The following AGBL1 variants were observed in gnomAD, a reference collection of about 807,000 sequenced individuals.
The protein encoded by AGBL1 is AGBL carboxypeptidase 1, also known as cytosolic carboxypeptidase 4.
A neutral mutation model predicts 118.9 loss-of-function variants in AGBL1; 130 were observed. The ratio of observed to expected loss-of-function variants is 1.09; its 90% CI spans 0.95 to 1.26. The LOEUF is 1.26. AGBL1 is among the 50% of genes most tolerant of loss of function. The pLI is 0.00. For synonymous variants in AGBL1, 555 were observed against 478.9 expected, an observed-to-expected ratio of 1.16 and a Z score of -2.08; for missense variants, 1,584 against 1,298.1, an observed-to-expected ratio of 1.22 and a Z score of -3.38.
chr15:86,644,029 A>G (rs997986633), intron 21 of AGBL1, among the ~76,000 whole-genome samples: 2 of 152,148 alleles, frequency 1.3e-5, no homozygotes, highest in African/African-American at 4.8e-5. Context: ...AAAATTTTAA[A>G]CTATTCTTTG....
chr15:86,666,055 C>T (rs1277674535), intron 21 of AGBL1, among the ~76,000 whole-genome samples: 1 of 152,044 alleles, frequency 6.6e-6, no homozygotes, highest in Non-Finnish European at 1.5e-5. Flanking sequence ...GATATTCTTG[C>T]CATGTATTCT....
At chr15:86,432,032 G>A (rs1310485000) in intron 18 of AGBL1, among the ~76,000 whole-genome samples, 1 of 149,794 alleles carries the variant, frequency 6.7e-6, no homozygotes, top group Non-Finnish European at 1.5e-5. Context: ...GCTAAGGTGG[G>A]GCCCTTGTGA....
At chr15:86,546,935 A>G (rs2083591815) in intron 20 of AGBL1, among the ~76,000 whole-genome samples, 1 of 152,184 alleles carries the variant, frequency 6.6e-6, no homozygotes, top group Admixed American at 6.6e-5. Flanking sequence ...TATTCTGGGT[A>G]TGCAATTTAC....
intron 1 of AGBL1, among the ~76,000 whole-genome samples, chr15:86,092,132 C>T (rs1896071477): frequency 2.0e-5 from 3 of 151,952 alleles, no homozygotes; most frequent in Non-Finnish European, 2.9e-5. Flanking sequence ...TCTTGTCCTC[C>T]CAGATATGAA....
chr15:86,516,616 A>G (rs1210164500), intron 18 of AGBL1, among the ~76,000 whole-genome samples: 1 of 152,142 alleles, frequency 6.6e-6, no homozygotes, highest in African/African-American at 2.4e-5. Flanking sequence ...CCTGGTCAAC[A>G]TGGCGAAACC....
At chr15:86,254,887 T>A (rs1300235549) in intron 7 of AGBL1, among the ~76,000 whole-genome samples, 1 of 152,152 alleles carries the variant, frequency 6.6e-6, no homozygotes, top group Non-Finnish European at 1.5e-5. Context: ...CATAAGTATT[T>A]CCCCTACAGT....
chr15:86,734,760 C>A (rs889198794), intron 22 of AGBL1, among the ~76,000 whole-genome samples: 2 of 152,102 alleles, frequency 1.3e-5, no homozygotes, highest in South Asian at 4.1e-4. Context: ...CCACTGGCAG[C>A]CTCTTTAGTT....
At chr15:86,597,776 G>GA (rs1044352977) in intron 21 of AGBL1, among the ~76,000 whole-genome samples, 2 of 151,980 alleles carry the variant, frequency 1.3e-5, no homozygotes, top group South Asian at 2.1e-4. Context: ...CTTTATAAGT[G>GA]AAAAAAAGGG....
intron 21 of AGBL1, among the ~76,000 whole-genome samples, chr15:86,659,558 C>T (rs1251738272): frequency 6.6e-6 from 1 of 152,142 alleles, no homozygotes; most frequent in Non-Finnish European, 1.5e-5. Context: ...TGCTACCCGC[C>T]ACGGCGTCTT....
rs2079890070 is a variant in AGBL1, at chr15:86,309,583, T to C, written c.2374+14175T>C. On this transcript the variant is annotated intron_variant, in intron 17 of 22. Transcript: ENST00000614907. ...TTATCATGTTGCAGTAAGTTTCTTCTATAACTAATTTATTGAGAGTTGTTT... is the reference window on the plus strand; with the variant it reads ...TTATCATGTTGCAGTAAGTTTCTTCCATAACTAATTTATTGAGAGTTGTTT... 2.0e-5 allele frequency among the ~76,000 whole-genome samples: 3 copies of C among 152,354 alleles called. No individual in the cohort carries two copies. In the South Asian group the frequency reaches 6.2e-4, roughly 32 times the overall value.
intron 3 of AGBL1, 37 bp from the exon 4 acceptor site, chr15:86,154,393 T>A (rs777002622): frequency 6.2e-7 from 1 of 1,601,822 alleles, no homozygotes; most frequent in Non-Finnish European, 8.5e-7. Flanking sequence ...AGAATCAATG[T>A]GAAGTGCAAC....
intron 18 of AGBL1, among the ~76,000 whole-genome samples, chr15:86,411,027 G>A (rs577709836): frequency 6.5e-4 from 96 of 147,200 alleles, no homozygotes; most frequent in Admixed American, 3.5e-4. Context: ...TGAATAGGTT[G>A]TACAAAAAAT....
chr15:86,869,267 C>A (rs1038765028), intron 22 of AGBL1, among the ~76,000 whole-genome samples: 1 of 152,074 alleles, frequency 6.6e-6, no homozygotes, highest in Non-Finnish European at 1.5e-5. Context: ...CACCCCCCAC[C>A]GTGTCTTCCC....
At chr15:86,754,615 C>T (rs373318514) in intron 22 of AGBL1, among the ~76,000 whole-genome samples, 1 of 152,018 alleles carries the variant, frequency 6.6e-6, no homozygotes, top group Non-Finnish European at 1.5e-5. Flanking sequence ...TATACCCACC[C>T]CAAGTGAGTA....
intron 21 of AGBL1, among the ~76,000 whole-genome samples, chr15:86,596,606 C>T (rs1426334004): frequency 6.6e-6 from 1 of 151,938 alleles, no homozygotes; most frequent in East Asian, 1.9e-4. Flanking sequence ...TTTTTTTCCC[C>T]AGAGATATAC....
chr15:86,889,770 C>A (rs2080024700), intron 22 of AGBL1, among the ~76,000 whole-genome samples: 1 of 152,078 alleles, frequency 6.6e-6, no homozygotes, highest in Admixed American at 6.5e-5. Flanking sequence ...GTACGTGTAC[C>A]ACATTTTCTT....
intron 22 of AGBL1, among the ~76,000 whole-genome samples, chr15:86,771,333 A>T (rs1380464507): frequency 6.6e-6 from 1 of 152,050 alleles, no homozygotes; most frequent in African/African-American, 2.4e-5. Flanking sequence ...TATTTTAAAC[A>T]TAAGGAAAAA....
At chr15:86,108,418 G>C (rs1267592737) in intron 1 of AGBL1, among the ~76,000 whole-genome samples, 1 of 152,140 alleles carries the variant, frequency 6.6e-6, no homozygotes, top group Non-Finnish European at 1.5e-5. Flanking sequence ...AAAGGTATAG[G>C]CTAGACTAAT....
At chr15:86,170,422 G>A (rs1325159001) in intron 5 of AGBL1, among the ~76,000 whole-genome samples, 1 of 151,988 alleles carries the variant, frequency 6.6e-6, no homozygotes, top group Admixed American at 6.6e-5. Context: ...GAAATAGGTA[G>A]GGACAGAAAA....
Sources: gnomAD v4.1 joint callset for allele counts (sites outside exome capture counted in the v4.1 genomes callset) on GRCh38, gnomAD v4.1.1 for gene constraint, MANE v1.5 for transcripts, NCBI Gene and HGNC (gene_info 2026-07-23, HGNC 2026-07-21) for gene names.